The following ZFHX3 variants were observed in gnomAD, a reference collection of about 807,000 sequenced individuals.
ZFHX3 encodes zinc finger homeobox protein 3.
Under a neutral mutation model 279.1 loss-of-function variants are expected in ZFHX3, and 42 were observed. The observed-to-expected ratio is 0.15, with a 90% CI of 0.12 to 0.19. The LOEUF (loss-of-function observed/expected upper bound fraction) is 0.19. ZFHX3 is among the 10% of genes least tolerant of loss of function. ZFHX3 has a pLI of 1.00. For missense variants in ZFHX3, 4,981 were observed against 4,754.0 expected, an observed-to-expected ratio of 1.05 and a Z score of -1.40; for synonymous variants, 2,293 against 1,957.8, an observed-to-expected ratio of 1.17 and a Z score of -4.52.
At chr16:73,028,634 A>G (rs1415566485) in intron 1 of ZFHX3, among the ~76,000 whole-genome samples, 1 of 152,040 alleles carries the variant, frequency 6.6e-6, no homozygotes, top group Non-Finnish European at 1.5e-5. Context: ...AATAACCTCA[A>G]CCGCTCGGAG....
intron 1 of ZFHX3, among the ~76,000 whole-genome samples, chr16:73,751,722 G>A (rs752530352): frequency 4.6e-5 from 7 of 152,154 alleles, no homozygotes; most frequent in African/African-American, 1.7e-4. Flanking sequence ...TAAAGTAGGA[G>A]CTATTTTCTG....
chr16:73,067,042 A>AC (rs560603567), intron 8 of ZFHX3, among the ~76,000 whole-genome samples: 1,637 of 151,566 alleles, frequency 0.011, 45 homozygotes, highest in Non-Finnish European at 0.012. Context: ...GGAGTGGAGA[A>AC]CCCCCGGGGC....
chr16:73,439,679 G>C (rs751027643), intron 3 of ZFHX3, among the ~76,000 whole-genome samples: 1 of 151,954 alleles, frequency 6.6e-6, no homozygotes, highest in African/African-American at 2.4e-5. Context: ...GTTAGTCCAC[G>C]TGGTCATCCC....
At chr16:73,088,657 T>C (rs1366506975) in intron 8 of ZFHX3, among the ~76,000 whole-genome samples, 1 of 152,050 alleles carries the variant, frequency 6.6e-6, no homozygotes, top group South Asian at 2.1e-4. Flanking sequence ...CAGGTCACAG[T>C]AGGTAGTGAG....
intron 5 of ZFHX3, among the ~76,000 whole-genome samples, chr16:72,825,751 T>C (rs1261833792): frequency 2.6e-5 from 4 of 152,102 alleles, no homozygotes; most frequent in Non-Finnish European, 5.9e-5. Flanking sequence ...TTTTGTTCCT[T>C]TGGGGTATCT....
At chr16:73,091,041 C>A (rs987032175) in intron 8 of ZFHX3, among the ~76,000 whole-genome samples, 2 of 151,644 alleles carry the variant, frequency 1.3e-5, no homozygotes, top group African/African-American at 4.9e-5. Context: ...AAAACCCCGT[C>A]TCTACTAAAA....
intron 3 of ZFHX3, among the ~76,000 whole-genome samples, chr16:72,915,899 T>G (rs974870918): frequency 6.6e-6 from 1 of 152,266 alleles, no homozygotes; most frequent in Non-Finnish European, 1.5e-5. Context: ...ACGCCCATTC[T>G]AAGAATCACC....
At chr16:73,678,583 T>C (rs531659017) in intron 2 of ZFHX3, among the ~76,000 whole-genome samples, 1 of 152,180 alleles carries the variant, frequency 6.6e-6, no homozygotes, top group Non-Finnish European at 1.5e-5. Flanking sequence ...AGTACACTTA[T>C]ACAACATTGA....
At chr16:73,178,899 C>T (rs531095515) in intron 5 of ZFHX3, among the ~76,000 whole-genome samples, 8 of 152,224 alleles carry the variant, frequency 5.3e-5, no homozygotes, top group East Asian at 1.9e-4. Context: ...ACCCACCCAA[C>T]GATACGTAAA....
intron 7 of ZFHX3, among the ~76,000 whole-genome samples, chr16:73,108,142 C>T (rs1343585125): frequency 6.6e-6 from 1 of 152,020 alleles, no homozygotes; most frequent in Non-Finnish European, 1.5e-5. Context: ...GCCTGGGCGA[C>T]AGAGCAAGAT....
At chr16:73,275,043 G>T (rs1456754442) in intron 4 of ZFHX3, among the ~76,000 whole-genome samples, 1 of 152,136 alleles carries the variant, frequency 6.6e-6, no homozygotes, top group Non-Finnish European at 1.5e-5. Flanking sequence ...GAGATGTACA[G>T]AGCCTGCTAA....
chr16:73,496,264 C>T (rs975790284), intron 2 of ZFHX3, among the ~76,000 whole-genome samples: 1 of 152,248 alleles, frequency 6.6e-6, no homozygotes, highest in Non-Finnish European at 1.5e-5. Context: ...GGCGTGGCGG[C>T]TCACGCCTGT....
chr16:73,783,151 TGAGTACC>T (rs1344501484), intron 1 of ZFHX3, among the ~76,000 whole-genome samples: 1 of 152,166 alleles, frequency 6.6e-6, no homozygotes, highest in East Asian at 1.9e-4. Flanking sequence ...GGCTCAGAGC[TGAGTACC>T]GGGCCAAGAT....
At chr16:72,892,755 G>C (rs550908195) in intron 3 of ZFHX3, among the ~76,000 whole-genome samples, 3 of 152,100 alleles carry the variant, frequency 2.0e-5, no homozygotes, top group Non-Finnish European at 4.4e-5. Flanking sequence ...CGATCCACCC[G>C]CCTCAGTCTC....
In ZFHX3 at chr16:73,457,187, G is replaced by T. The variant is rs564976676; in HGVS notation, c.-1546-929C>A. 3.3e-5 allele frequency among the ~76,000 whole-genome samples: 5 copies of T among 152,246 alleles called. No individual in the cohort carries two copies. In the East Asian group the frequency reaches 9.7e-4, roughly 29 times the overall value. On this transcript the variant is annotated intron_variant, in intron 2 of 17. Coordinates refer to the ZFHX3 transcript ENST00000641206. The stretch of plus-strand genomic sequence containing the variant: ...TCCTATTTTGGAGAATTTTTATAGA[G>T]GAAAGTGACAGTTTTCTTCCAAGAG...
At chr16:73,715,166 C>T (rs964611739) in intron 1 of ZFHX3, among the ~76,000 whole-genome samples, 3 of 152,134 alleles carry the variant, frequency 2.0e-5, no homozygotes, top group African/African-American at 7.2e-5. Context: ...CTGCCGGCAT[C>T]CCTGCAGTTT....
intron 5 of ZFHX3, among the ~76,000 whole-genome samples, chr16:73,158,445 C>T (rs1443055950): frequency 6.6e-6 from 1 of 152,062 alleles, no homozygotes; most frequent in African/African-American, 2.4e-5. Context: ...CTCTTCCCTT[C>T]CTTCCCCCTC....
chr16:73,637,230 C>CTTTT (rs1215790905), intron 2 of ZFHX3, among the ~76,000 whole-genome samples: 1 of 121,686 alleles, frequency 8.2e-6, no homozygotes, highest in African/African-American at 3.1e-5. Flanking sequence ...TTTTTTTGTT[C>CTTTT]TTTTTTTTTT....
At chr16:73,651,389 G>T (rs1267421820) in intron 2 of ZFHX3, among the ~76,000 whole-genome samples, 1 of 151,842 alleles carries the variant, frequency 6.6e-6, no homozygotes, top group East Asian at 1.9e-4. Flanking sequence ...AAAGTAATAA[G>T]AAACAACTGT....
Sources: allele counts gnomAD v4.1 joint callset (sites outside exome capture counted in the v4.1 genomes callset), GRCh38; gene constraint gnomAD v4.1.1; transcripts MANE v1.5; gene names NCBI Gene and HGNC (gene_info 2026-07-23, HGNC 2026-07-21).